THNSL1: variants seen among roughly 807,000 people sequenced by gnomAD.
THNSL1 encodes threonine synthase like 1.
Under a neutral mutation model 50.4 loss-of-function variants are expected in THNSL1, and 48 were observed. The ratio of observed to expected loss-of-function variants is 0.95; its 90% CI spans 0.76 to 1.21. THNSL1 has a LOEUF of 1.21. THNSL1 is among the 50% of genes most tolerant of loss of function. THNSL1 has a pLI of 0.00. For synonymous variants in THNSL1, 309 were observed against 306.1 expected, an observed-to-expected ratio of 1.01 and a Z score of -0.10; for missense variants, 896 against 871.7, an observed-to-expected ratio of 1.03 and a Z score of -0.35.
intron 1 of THNSL1, among the ~76,000 whole-genome samples, chr10:25,017,305 G>A (rs1036268356): frequency 6.6e-6 from 1 of 152,146 alleles, no homozygotes; most frequent in Admixed American, 6.5e-5. Flanking sequence ...TGGGCCTGCC[G>A]TAGGAAAGTC....
the THNSL1 span, among the ~76,000 whole-genome samples, chr10:24,980,928 C>T: frequency 6.6e-6 from 1 of 152,122 alleles, no homozygotes; most frequent in African/African-American, 2.4e-5. Context: ...ACCACGTTGG[C>T]CAGGCTGGTC....
At chr10:24,956,254 A>C in the THNSL1 span, among the ~76,000 whole-genome samples, 1 of 151,926 alleles carries the variant, frequency 6.6e-6, no homozygotes, top group Non-Finnish European at 1.5e-5. Context: ...TAACCATAGC[A>C]CCTGATACAT....
the THNSL1 span, among the ~76,000 whole-genome samples, chr10:24,991,455 A>G: frequency 6.6e-6 from 1 of 151,714 alleles, no homozygotes; most frequent in Non-Finnish European, 1.5e-5. Flanking sequence ...GTCGAGAGGA[A>G]CACATCAATG....
chr10:24,988,233 T>A, the THNSL1 span, among the ~76,000 whole-genome samples: 3 of 145,056 alleles, frequency 2.1e-5, no homozygotes, highest in Non-Finnish European at 3.0e-5. Flanking sequence ...CAAAAAAAAA[T>A]GTATATATAT....
the THNSL1 span, among the ~76,000 whole-genome samples, chr10:24,956,914 C>T: frequency 6.6e-6 from 1 of 152,108 alleles, no homozygotes; most frequent in Non-Finnish European, 1.5e-5. Context: ...TGGTGAACCG[C>T]ACATGGGAGG....
At position 25,023,771 on chromosome 10, in the gene THNSL1, A is replaced by C; in HGVS notation, c.548A>C (p.Lys183Thr). 1 of 1,614,064 alleles carries C rather than the reference A, an allele frequency of 6.2e-7. No homozygotes were observed. Among genetic ancestry groups the C allele is most frequent in the Non-Finnish European group, 8.5e-7 (1 of 1,179,990 alleles). ...IVGQNSGTSM[K>T]DLLKFRRQYY... ...GGTCAGAATTCTGGAACATCTATGAAAGACTTACTTAAATTTAGAAGACAG... is the reference window on the plus strand; with the variant it reads ...GGTCAGAATTCTGGAACATCTATGACAGACTTACTTAAATTTAGAAGACAG... Residue 183 changes from lysine (K) to threonine (T), a missense_variant, in exon 3 of 3, where the codon AAA (lysine) becomes ACA (threonine). By Grantham distance (78) the Lys-to-Thr change is moderately conservative. Coordinates refer to ENST00000376356, the MANE Select transcript of THNSL1 (RefSeq NM_024838.5).
the THNSL1 span, among the ~76,000 whole-genome samples, chr10:25,002,302 C>G: frequency 6.6e-6 from 1 of 152,184 alleles, no homozygotes; most frequent in African/African-American, 2.4e-5. Context: ...TTAGGGAACT[C>G]CTTGTTCATA....
chr10:25,010,678 A>T, the THNSL1 span, among the ~76,000 whole-genome samples: 2 of 143,140 alleles, frequency 1.4e-5, no homozygotes, highest in African/African-American at 5.0e-5. Context: ...CCCATCTATG[A>T]GTGAGAACAT....
intron 1 of THNSL1, among the ~76,000 whole-genome samples, chr10:25,019,551 G>T (rs1850677280): frequency 6.6e-6 from 1 of 152,176 alleles, no homozygotes; most frequent in Admixed American, 6.5e-5. Context: ...CAACAGCTCT[G>T]TACCTAGCAT....
In THNSL1 at chr10:25,024,668, A is replaced by G. The variant is rs1850805580; in HGVS notation, c.1445A>G (p.Tyr482Cys). 2 of 1,614,246 alleles carry G rather than the reference A, an allele frequency of 1.2e-6. No homozygotes were observed. Among genetic ancestry groups the G allele is most frequent in the Admixed American group, 1.7e-5 (1 of 60,030 alleles). Residue 482 changes from tyrosine to cysteine, a missense_variant, in exon 3 of 3, where the codon TAT (tyrosine) becomes TGT (cysteine). Tyr to Cys is a radical substitution (Grantham distance 194). Transcript: ENST00000376356. Reference sequence around the variant, plus strand: ...GGCCGACTACTTCCGCAGGTAGTTTATCATGCTTCCGCATATCTTGATCTT... The same window carrying G: ...GGCCGACTACTTCCGCAGGTAGTTTGTCATGCTTCCGCATATCTTGATCTT... ...NWGRLLPQVV[Y>C]HASAYLDLVS...
chr10:25,020,200 C>A (rs1353432469), intron 1 of THNSL1, among the ~76,000 whole-genome samples: 1 of 150,510 alleles, frequency 6.6e-6, no homozygotes, highest in Non-Finnish European at 1.5e-5. Flanking sequence ...AATATTGATA[C>A]AGAATTTACA....
chr10:25,007,771 T>C, the THNSL1 span, among the ~76,000 whole-genome samples: 12 of 152,138 alleles, frequency 7.9e-5, no homozygotes, highest in African/African-American at 2.4e-4. Context: ...TAACTCAAAA[T>C]AAACATTAAG....
chr10:25,006,210 T>C, the THNSL1 span, among the ~76,000 whole-genome samples: 5 of 152,330 alleles, frequency 3.3e-5, no homozygotes, highest in African/African-American at 1.2e-4. Context: ...AAAACTGCTT[T>C]TGTTTAGTTA....
At chr10:24,965,762 C>T in the THNSL1 span, among the ~76,000 whole-genome samples, 2 of 152,292 alleles carry the variant, frequency 1.3e-5, no homozygotes, top group African/African-American at 4.8e-5. Flanking sequence ...AATCTCTTTC[C>T]TTGTTCACTA....
chr10:24,978,579 T>A, the THNSL1 span, among the ~76,000 whole-genome samples: 1 of 152,204 alleles, frequency 6.6e-6, no homozygotes, highest in African/African-American at 2.4e-5. Flanking sequence ...AGACGAACAC[T>A]CTGTGGTTGA....
intron 1 of THNSL1, among the ~76,000 whole-genome samples, chr10:25,019,368 G>A (rs566771122): frequency 9.5e-4 from 144 of 152,290 alleles, no homozygotes; most frequent in African/African-American, 3.4e-3. Context: ...CAGCTACTTG[G>A]GAGGCTGAGG....
At chr10:24,976,212 C>T in the THNSL1 span, among the ~76,000 whole-genome samples, 2 of 152,138 alleles carry the variant, frequency 1.3e-5, no homozygotes, top group Non-Finnish European at 2.9e-5. Flanking sequence ...CATGGAGAGA[C>T]GTAACTGCAT....
rs754392007 is a variant in THNSL1, at chr10:25,023,587, T to A, written c.364T>A (p.Phe122Ile). The A allele has an allele frequency of 1.9e-6, 3 of 1,614,156 alleles. No individual in the cohort carries two copies. In the Admixed American group the frequency reaches 5.0e-5, roughly 27 times the overall value. Reference sequence around the variant, plus strand: ...AGAGGAAGGAAAAGCTGTGTTAAACTTCTCTGCATCTGGAAGTGTGATTTC... The same window carrying A: ...AGAGGAAGGAAAAGCTGTGTTAAACATCTCTGCATCTGGAAGTGTGATTTC... ...LEEEGKAVLN[F>I]SASGSVISLT... Residue 122 changes from phenylalanine (F) to isoleucine (I), a missense_variant, in exon 3 of 3, where the codon TTC (phenylalanine) becomes ATC (isoleucine). Transcript: ENST00000376356.
chr10:24,952,615 A>T, the THNSL1 span: 3 of 1,456,458 alleles, frequency 2.1e-6, no homozygotes, highest in Admixed American at 6.2e-5. The surrounding 1 kb of genome is among the most constrained non-coding windows in gnomAD (Gnocchi z 5.1). Flanking sequence ...ACGGCGCGGG[A>T]AGGAGCAGGG....
Sources: allele counts gnomAD v4.1 joint callset (sites outside exome capture counted in the v4.1 genomes callset), GRCh38; gene constraint gnomAD v4.1.1; non-coding constraint Gnocchi (gnomAD v3.1); transcripts MANE v1.5; gene names NCBI Gene and HGNC (gene_info 2026-07-23, HGNC 2026-07-21).